KPNA3: variants seen among roughly 807,000 people sequenced by gnomAD.
KPNA3 encodes the protein importin subunit alpha-4.
In KPNA3, 13 loss-of-function variants were observed where a neutral mutation model predicts 73.8. The observed-to-expected ratio is 0.18, with a 90% CI of 0.11 to 0.28. The LOEUF is 0.28. Ranked by LOEUF, KPNA3 falls within the 10% of genes least tolerant of loss-of-function variation. The probability of loss-of-function intolerance (pLI) is 1.00; values close to 1 mark genes in which losing one functional copy is unlikely to be tolerated. For missense variants in KPNA3, 360 were observed against 618.1 expected, an observed-to-expected ratio of 0.58 and a Z score of 4.43; for synonymous variants, 186 against 206.9, an observed-to-expected ratio of 0.90 and a Z score of 0.87.
chr13:49,750,609 G>A (rs1417876936), intron 1 of KPNA3, among the ~76,000 whole-genome samples: 1 of 151,908 alleles, frequency 6.6e-6, no homozygotes, highest in Non-Finnish European at 1.5e-5. Flanking sequence ...TTCAGCCTAG[G>A]TAACAGAGTG....
chr13:49,775,753 G>A (rs1379350878), intron 1 of KPNA3, among the ~76,000 whole-genome samples: 2 of 152,058 alleles, frequency 1.3e-5, no homozygotes, highest in African/African-American at 4.8e-5. Flanking sequence ...TATGTCCCTT[G>A]AATAGAAGGA....
intron 1 of KPNA3, among the ~76,000 whole-genome samples, chr13:49,750,243 G>A (rs1954650631): frequency 6.6e-6 from 1 of 152,064 alleles, no homozygotes; most frequent in Admixed American, 6.5e-5. Flanking sequence ...CAACAGGAAT[G>A]GTTTTTACAT....
At chr13:49,764,753 TAAA>T (rs879573361) in intron 1 of KPNA3, among the ~76,000 whole-genome samples, 1 of 141,940 alleles carries the variant, frequency 7.0e-6, no homozygotes, top group Non-Finnish European at 1.5e-5. Context: ...GTCTTTCACT[TAAA>T]AAAAAAAAAA....
At chr13:49,723,853 A>G (rs1004039340) in intron 7 of KPNA3, among the ~76,000 whole-genome samples, 3 of 149,326 alleles carry the variant, frequency 2.0e-5, no homozygotes, top group Non-Finnish European at 3.0e-5. Context: ...CTGGCGACAG[A>G]GCGAGACTCC....
At position 49,700,490 on chromosome 13, in the gene KPNA3, T is replaced by C. The variant is rs568619971; in HGVS notation, c.*1310A>G. 6.3e-4 allele frequency: 97 copies of C among 152,782 alleles called. 2 individuals are homozygous for C. The highest frequency in any genetic ancestry group is 3.4e-3 in the Middle Eastern group (1 of 294). The allele number at this position is 152,782 out of a possible 1,614,324, so 9.5% of individuals were successfully genotyped here. ...ATTTACCAAAAGCAATAACTTGACA[T>C]AGTAATACCGGATTTTGCAGAATTA... On this transcript the variant is annotated 3_prime_UTR_variant, in exon 17 of 17. Transcript: ENST00000261667.
chr13:49,739,953 A>G (rs17073347), intron 2 of KPNA3, among the ~76,000 whole-genome samples: 18,124 of 152,198 alleles, frequency 0.12, 2,168 homozygotes, highest in East Asian at 0.58. Flanking sequence ...AATAATAGCT[A>G]TGAGTTAATA....
At chr13:49,768,832 A>AT (rs1954830971) in intron 1 of KPNA3, among the ~76,000 whole-genome samples, 1 of 152,170 alleles carries the variant, frequency 6.6e-6, no homozygotes, top group Admixed American at 6.5e-5. Flanking sequence ...TTATATGCGA[A>AT]TTTTTTTGGA....
intron 1 of KPNA3, among the ~76,000 whole-genome samples, chr13:49,789,139 C>T (rs1955010839): frequency 6.6e-6 from 1 of 152,202 alleles, no homozygotes; most frequent in South Asian, 2.1e-4. Context: ...CCTCTTTGCT[C>T]TGGAATAAAT....
chr13:49,705,500 T>C (rs1222495374), intron 15 of KPNA3, 121 bp downstream of exon 15: 2 of 1,010,604 alleles, frequency 2.0e-6, no homozygotes, highest in African/African-American at 1.6e-5. Flanking sequence ...AAAAGCAACA[T>C]ACTGTGATCA....
chr13:49,703,018 G>A (rs1375245838), intron 15 of KPNA3, among the ~76,000 whole-genome samples: 2 of 150,264 alleles, frequency 1.3e-5, no homozygotes, highest in East Asian at 2.0e-4. Context: ...ACAGGCGCCC[G>A]CCACCACACC....
At chr13:49,749,707 A>C (rs1954646547) in intron 1 of KPNA3, among the ~76,000 whole-genome samples, 1 of 152,198 alleles carries the variant, frequency 6.6e-6, no homozygotes, top group South Asian at 2.1e-4. Flanking sequence ...CATAATTCTA[A>C]GATTTGTGTA....
intron 1 of KPNA3, among the ~76,000 whole-genome samples, chr13:49,761,922 C>T (rs922828740): frequency 6.6e-6 from 1 of 151,302 alleles, no homozygotes; most frequent in Non-Finnish European, 1.5e-5. Context: ...GCGTCTCTGC[C>T]CAGCCACCCC....
rs1197576604 is a variant in KPNA3 at position 49,734,946 on chromosome 13, GAGAT to G, written c.115-1904_115-1901del. On this transcript the variant is annotated intron_variant, in intron 2 of 16. Transcript: ENST00000261667. ...ACATATATATATATATATAGAGAGA[GAGAT>G]AGATAGAGAGAGAGAGAGAGAGAGA... Among the ~76,000 whole-genome samples the G allele has an allele frequency of 1.5e-3, 177 of 115,486 alleles. 2 individuals carry two copies. The highest frequency in any genetic ancestry group is 2.5e-3 in the Non-Finnish European group (128 of 51,578). The allele number at this position is 115,486 out of a possible 152,430, so 75.8% of individuals were successfully genotyped here. A position where few individuals can be genotyped will look rare whatever the true frequency, so the allele number is the denominator to read the frequency against.
Position 49,702,426 on chromosome 13 carries a change from A to G in KPNA3, c.1427T>C (p.Leu476Ser). Reference protein sequence around the residue: ...QQHENEDIYKLAFEIIDQYFS... With the variant: ...QQHENEDIYKSAFEIIDQYFS... ...ATACTGATCTATGATTTCAAATGCT[A>G]ATTTATATATGTCTTCATTTTCATG... The change falls in exon 16 of 17, where the codon TTA becomes TCA. Residue 476 changes from leucine to serine, a missense_variant. Leu to Ser is a moderately radical substitution (Grantham distance 145). This residue lies in a region of KPNA3 where 287 missense variants were observed against 549.1 expected (regional missense o/e 0.52). Transcript: ENST00000261667. The G allele has an allele frequency of 6.4e-7, 1 of 1,553,450 alleles. No individual in the cohort carries two copies. Among genetic ancestry groups the G allele is most frequent in the Non-Finnish European group, 8.8e-7 (1 of 1,131,368 alleles).
At position 49,792,518 on chromosome 13, in the gene KPNA3, G is replaced by GCTCCGGCGGCTA. The variant is rs1555309083; in HGVS notation, c.-13_-12insTAGCCGCCGGAG. ...GGGTTCTCGGCCATGGCTGCGCGCG[G>GCTCCGGCGGCTA]CTCCGGCGGCGGCTACTCCTGCGGC... On this transcript the variant is annotated 5_prime_UTR_variant, in exon 1 of 17. Coordinates refer to ENST00000261667, the MANE Select transcript of KPNA3 (RefSeq NM_002267.4). The GCTCCGGCGGCTA allele has an allele frequency of 9.1e-5, 143 of 1,569,086 alleles. No individual in the cohort carries two copies. In the African/African-American group the frequency reaches 1.9e-3, roughly 21 times the overall value.
chr13:49,790,085 T>G (rs943878662), intron 1 of KPNA3, among the ~76,000 whole-genome samples: 1 of 152,146 alleles, frequency 6.6e-6, no homozygotes, highest in Non-Finnish European at 1.5e-5. Context: ...CTAACATTGA[T>G]AGATACCCAA....
chr13:49,714,690 A>G (rs1249544368), intron 10 of KPNA3, among the ~76,000 whole-genome samples: 3 of 152,292 alleles, frequency 2.0e-5, no homozygotes, highest in Non-Finnish European at 4.4e-5. Context: ...GAAGCATAAC[A>G]TTAACACCTC....
At chr13:49,721,560 C>G (rs970981732) in intron 9 of KPNA3, among the ~76,000 whole-genome samples, 5 of 152,194 alleles carry the variant, frequency 3.3e-5, no homozygotes, top group Admixed American at 3.3e-4. Context: ...TGGCTCAGGC[C>G]TGTCATCCCA....
chr13:49,775,922 T>A (rs1392812473), intron 1 of KPNA3, among the ~76,000 whole-genome samples: 1 of 152,212 alleles, frequency 6.6e-6, no homozygotes, highest in Non-Finnish European at 1.5e-5. Context: ...TATTCCGAAA[T>A]TGGATTTATT....
Sources: gnomAD v4.1 joint callset for allele counts (sites outside exome capture counted in the v4.1 genomes callset) on GRCh38, gnomAD v4.1.1 for gene constraint, gnomAD v4.1.1 regional missense constraint, MANE v1.5 for transcripts, NCBI Gene and HGNC (gene_info 2026-07-23, HGNC 2026-07-21) for gene names.